ARHGEF3: variants seen among roughly 807,000 people sequenced by gnomAD.
The protein encoded by ARHGEF3 is Rho guanine nucleotide exchange factor 3.
A neutral mutation model predicts 63.2 loss-of-function variants in ARHGEF3; 28 were observed. The ratio of observed to expected loss-of-function variants is 0.44; its 90% confidence interval spans 0.33 to 0.61. The LOEUF is 0.61. ARHGEF3 is among the 20% of genes least tolerant of loss of function. The probability of loss-of-function intolerance (pLI) is 0.03; values close to 1 mark genes in which losing one functional copy is unlikely to be tolerated. For missense variants in ARHGEF3, 533 were observed against 659.3 expected (o/e 0.81, Z 2.10); for synonymous variants, 266 against 254.2 (o/e 1.05, Z -0.44).
rs1355085245 is a variant in ARHGEF3, at chr3:56,916,404, C to T, written c.130-34050G>A. ...CCTAACTGCAGTGGAGCCCTGTGCACAGGATTCTCTGAACAGGGCTGAGCA... is the reference window on the plus strand; with the variant it reads ...CCTAACTGCAGTGGAGCCCTGTGCATAGGATTCTCTGAACAGGGCTGAGCA... On this transcript the variant is annotated intron_variant, in intron 3 of 12. Coordinates refer to the ARHGEF3 transcript ENST00000338458. 5.3e-6 allele frequency: 8 copies of T among 1,523,172 alleles called. No homozygotes were observed. In the Admixed American group the frequency reaches 1.2e-4, roughly 23 times the overall value. 94.4% of individuals were successfully genotyped at this position (1,523,172 alleles called of 1,614,324 possible).
At chr3:56,951,009 C>T (rs562771334) in intron 3 of ARHGEF3, among the ~76,000 whole-genome samples, 64 of 151,964 alleles carry the variant, frequency 4.2e-4, no homozygotes, top group Middle Eastern at 6.8e-3. Flanking sequence ...AACCATCATT[C>T]TCAGCAAACT....
At chr3:56,957,665 A>AG (rs199983312) in intron 3 of ARHGEF3, among the ~76,000 whole-genome samples, 1,931 of 152,292 alleles carry the variant, frequency 0.013, 102 homozygotes, top group Admixed American at 0.1. Context: ...ACTCAGATTC[A>AG]GGGGGTGGTC....
intron 9 of ARHGEF3, among the ~76,000 whole-genome samples, chr3:56,731,141 G>C (rs941835311): frequency 6.6e-6 from 1 of 152,180 alleles, no homozygotes; most frequent in African/African-American, 2.4e-5. Flanking sequence ...GATCAGTAGG[G>C]AGAAGGCAGT....
chr3:56,774,562 C>T (rs777720740), intron 1 of ARHGEF3, among the ~76,000 whole-genome samples: 3 of 152,114 alleles, frequency 2.0e-5, no homozygotes, highest in South Asian at 4.1e-4. Context: ...GGTGGGAGGG[C>T]GCCTACCCAT....
At chr3:56,856,761 C>A (rs1366767168) in intron 4 of ARHGEF3, among the ~76,000 whole-genome samples, 8 of 143,204 alleles carry the variant, frequency 5.6e-5, no homozygotes, top group Non-Finnish European at 1.2e-4. Flanking sequence ...GACACTTCTG[C>A]TGTAATAAAA....
chr3:56,881,700 T>C (rs987466581), intron 4 of ARHGEF3, among the ~76,000 whole-genome samples: 3 of 152,150 alleles, frequency 2.0e-5, no homozygotes, highest in African/African-American at 4.8e-5. Flanking sequence ...GTACAGGCAA[T>C]GTGTTTAATA....
intron 1 of ARHGEF3, among the ~76,000 whole-genome samples, chr3:57,054,839 C>T (rs1023534686): frequency 7.3e-5 from 11 of 151,288 alleles, no homozygotes; most frequent in Non-Finnish European, 5.9e-5. Flanking sequence ...TTAGTAGAGA[C>T]GGGGTTTCAC....
chr3:56,973,043 G>A (rs1462240701), intron 2 of ARHGEF3, among the ~76,000 whole-genome samples: 10 of 150,670 alleles, frequency 6.6e-5, no homozygotes, highest in African/African-American at 2.0e-4. Flanking sequence ...TTGAGATGGA[G>A]TCTCGCTCTG....
At position 56,905,341 on chromosome 3, in the gene ARHGEF3, A is replaced by G. The variant is rs193147775; in HGVS notation, c.130-22987T>C. On this transcript the variant is annotated intron_variant, in intron 3 of 12. Coordinates refer to the ARHGEF3 transcript ENST00000338458. ...ATAAGCAAATCATCTATTTTACCCAATGCTAACACACTATAGGTACTGCTC... is the reference window on the plus strand; with the variant it reads ...ATAAGCAAATCATCTATTTTACCCAGTGCTAACACACTATAGGTACTGCTC... Among the ~76,000 whole-genome samples the G allele has an allele frequency of 1.5e-3, 232 of 152,204 alleles. 1 individual carries two copies. Among genetic ancestry groups the G allele is most frequent in the Non-Finnish European group, 1.2e-3 (84 of 67,998 alleles).
chr3:56,779,864 C>G (rs1011450629), intron 1 of ARHGEF3, among the ~76,000 whole-genome samples: 1 of 152,206 alleles, frequency 6.6e-6, no homozygotes, highest in African/African-American at 2.4e-5. Context: ...GTTTCTTCAA[C>G]TGAAAAATGG....
intron 4 of ARHGEF3, among the ~76,000 whole-genome samples, chr3:56,851,624 G>A (rs927849882): frequency 2.0e-5 from 3 of 152,126 alleles, no homozygotes; most frequent in African/African-American, 4.8e-5. Flanking sequence ...CTGGGCTCAA[G>A]TGATCCACCC....
At chr3:56,803,888 CTT>C (rs113834830), upstream of ARHGEF3, among the ~76,000 whole-genome samples, 229 of 143,542 alleles carry the variant, frequency 1.6e-3, no homozygotes, top group Admixed American at 1.9e-3. Context: ...TATTTTCTTT[CTT>C]TTTTTTTTTT....
chr3:56,949,373 A>G (rs1352178134), intron 3 of ARHGEF3, among the ~76,000 whole-genome samples: 2 of 151,998 alleles, frequency 1.3e-5, no homozygotes, highest in African/African-American at 4.8e-5. Context: ...TTGTATATCT[A>G]GAAAACCCCA....
In ARHGEF3 at chr3:56,756,706, C is replaced by T. The variant is rs529213695; in HGVS notation, c.205-1555G>A. On this transcript the variant is annotated intron_variant, in intron 2 of 9. Transcript: ENST00000296315. ...CTGGGCCTACAGGCGCCCGCCACCA[C>T]GCCCGGCTAATTTTTTGTATTTTCA... 7.2e-5 allele frequency among the ~76,000 whole-genome samples: 11 copies of T among 152,134 alleles called. No homozygotes were observed. In the South Asian group the frequency reaches 1.7e-3, roughly 23 times the overall value.
intron 3 of ARHGEF3, among the ~76,000 whole-genome samples, chr3:56,889,931 G>A (rs956607102): frequency 1.3e-5 from 2 of 151,994 alleles, no homozygotes; most frequent in African/African-American, 2.4e-5. Flanking sequence ...GCGTGGTAGC[G>A]TGCGCCTGTA....
At chr3:56,931,841 G>A (rs2042420534) in intron 3 of ARHGEF3, among the ~76,000 whole-genome samples, 1 of 152,058 alleles carries the variant, frequency 6.6e-6, no homozygotes, top group Non-Finnish European at 1.5e-5. Flanking sequence ...GAATCTTTTG[G>A]TCCAGGATGA....
intron 4 of ARHGEF3, among the ~76,000 whole-genome samples, chr3:56,867,855 T>G (rs1314817172): frequency 5.3e-5 from 8 of 152,134 alleles, no homozygotes; most frequent in Non-Finnish European, 1.2e-4. Flanking sequence ...AAGACCAGGT[T>G]GGAGGCCCTA....
At chr3:57,005,015 G>A (rs775403055) in intron 2 of ARHGEF3, among the ~76,000 whole-genome samples, 2 of 151,342 alleles carry the variant, frequency 1.3e-5, no homozygotes, top group African/African-American at 4.9e-5. Flanking sequence ...GAAATAAATG[G>A]AGGTACAAAA....
At chr3:56,962,474 G>A (rs1329020255) in intron 2 of ARHGEF3, among the ~76,000 whole-genome samples, 1 of 152,212 alleles carries the variant, frequency 6.6e-6, no homozygotes, top group Non-Finnish European at 1.5e-5. Context: ...AGCAGGCTGT[G>A]CATGGTGTAC....
Sources: allele counts gnomAD v4.1 joint callset (sites outside exome capture counted in the v4.1 genomes callset), GRCh38; gene constraint gnomAD v4.1.1; transcripts MANE v1.5; gene names NCBI Gene and HGNC (gene_info 2026-07-23, HGNC 2026-07-21).